Variants in DPP6 observed in about 807,000 individuals in gnomAD.
The protein encoded by DPP6 is dipeptidyl peptidase like 6.
DPP6 carries 69 observed loss-of-function variants against 122.6 expected under a neutral mutation model. That is an observed-to-expected ratio of 0.56 (90% CI 0.46 to 0.69). The LOEUF (loss-of-function observed/expected upper bound fraction) is 0.69, where lower values mean the gene tolerates loss of function less well. Among genes scored for constraint, DPP6 ranks in the 30% least tolerant of loss-of-function variants. DPP6 has a pLI of 0.00. For missense variants in DPP6, 928 were observed against 1,116.9 expected, an observed-to-expected ratio of 0.83 and a Z score of 2.41; for synonymous variants, 418 against 433.1, an observed-to-expected ratio of 0.97 and a Z score of 0.43.
intron 1 of DPP6, among the ~76,000 whole-genome samples, chr7:154,410,857 T>C (rs1259932716): frequency 1.3e-5 from 2 of 152,238 alleles, no homozygotes; most frequent in East Asian, 1.9e-4. Flanking sequence ...GTTTAACACA[T>C]GGAAAAACAT....
chr7:153,796,789 G>T, the DPP6 span, among the ~76,000 whole-genome samples: 1 of 152,058 alleles, frequency 6.6e-6, no homozygotes. Context: ...GCAGTACTCC[G>T]TGTATATCAT....
At chr7:153,819,730 T>C in the DPP6 span, among the ~76,000 whole-genome samples, 1 of 152,250 alleles carries the variant, frequency 6.6e-6, no homozygotes, top group Non-Finnish European at 1.5e-5. Context: ...ATGCATTTAT[T>C]ACCACTGAAC....
At chr7:153,916,051 C>T (rs1198491693) in intron 1 of DPP6, among the ~76,000 whole-genome samples, 1 of 151,936 alleles carries the variant, frequency 6.6e-6, no homozygotes, top group Admixed American at 6.5e-5. Flanking sequence ...ACTGCAAGCT[C>T]TGCCTCCCAG....
chr7:154,061,710 AT>A (rs1801943589), intron 1 of DPP6, among the ~76,000 whole-genome samples: 19 of 76,572 alleles, frequency 2.5e-4, no homozygotes, highest in South Asian at 4.4e-4. Flanking sequence ...GGGGGAGGCA[AT>A]CCCCGCGAGG....
chr7:154,454,588 G>A (rs1470520470), intron 2 of DPP6, among the ~76,000 whole-genome samples: 1 of 152,126 alleles, frequency 6.6e-6, no homozygotes, highest in Admixed American at 6.5e-5. Context: ...TGGCCAGGAA[G>A]TTGTGGAGGG....
chr7:154,618,328 C>T lies in DPP6; in HGVS notation c.628-19493C>T, dbSNP rs551757583. 7.9e-5 allele frequency among the ~76,000 whole-genome samples: 12 copies of T among 152,196 alleles called. No individual in the cohort carries two copies. The highest frequency in any genetic ancestry group is 1.9e-4 in the African/African-American group (8 of 41,546). On this transcript the variant is annotated intron_variant, in intron 5 of 25. Transcript: ENST00000377770. This position sits in a 1 kb window ranked among gnomAD's most constrained non-coding sequence, Gnocchi z 4.1. ...TCAGGATGAGATTAGGCTCACTGAG[C>T]GGGTGAACGGAGCTGTTTGAACTGA...
At chr7:153,825,437 CAT>C in the DPP6 span, among the ~76,000 whole-genome samples, 75 of 152,266 alleles carry the variant, frequency 4.9e-4, no homozygotes, top group African/African-American at 1.8e-3. Flanking sequence ...TGAAATTATT[CAT>C]ATAGAATTGG....
At chr7:154,782,871 C>A (rs1035540286) in intron 10 of DPP6, among the ~76,000 whole-genome samples, 9 of 152,032 alleles carry the variant, frequency 5.9e-5, no homozygotes, top group South Asian at 4.2e-4. Flanking sequence ...GCAACCTCCG[C>A]CTCCCGGGTT....
chr7:154,393,382 C>T (rs1168901468), intron 1 of DPP6, among the ~76,000 whole-genome samples: 3 of 152,094 alleles, frequency 2.0e-5, no homozygotes, highest in Non-Finnish European at 4.4e-5. Flanking sequence ...GGTATGTGGA[C>T]CAAGTACTGT....
In DPP6 at chr7:154,291,584, C is replaced by G. The variant is rs773559419; in HGVS notation, c.244-154630C>G. Among the ~76,000 whole-genome samples, 48 of 152,200 alleles carry G rather than the reference C, an allele frequency of 3.2e-4. 1 individual carries two copies. Among genetic ancestry groups the G allele is most frequent in the Non-Finnish European group, 5.9e-4 (40 of 68,040 alleles). ...GTCCTCATAGCCTAGACTCTCTCTC[C>G]TGAGCTTTGAAGCTTCAGTCTGCCC... On this transcript the variant is annotated intron_variant, in intron 1 of 25. Transcript: ENST00000377770.
the DPP6 span, among the ~76,000 whole-genome samples, chr7:153,859,860 C>A: frequency 6.6e-6 from 1 of 152,084 alleles, no homozygotes; most frequent in Non-Finnish European, 1.5e-5. Context: ...CATCAGATCT[C>A]GTGAGAACTC....
chr7:154,884,784 C>G (rs1805992838), intron 21 of DPP6: 1 of 152,174 alleles, frequency 6.6e-6, no homozygotes, highest in African/African-American at 2.4e-5. Context: ...CACACATGCT[C>G]ACATATGCAC....
intron 1 of DPP6, among the ~76,000 whole-genome samples, chr7:154,127,352 A>T (rs1807962031): frequency 6.6e-6 from 1 of 152,172 alleles, no homozygotes; most frequent in South Asian, 2.1e-4. Flanking sequence ...TTAGGTACAG[A>T]TAAGAGGCAT....
chr7:154,512,066 T>G (rs1199871409), intron 3 of DPP6, among the ~76,000 whole-genome samples: 1 of 152,172 alleles, frequency 6.6e-6, no homozygotes, highest in Non-Finnish European at 1.5e-5. Context: ...GTCATTGAGG[T>G]CATTGACAGA....
the DPP6 span, among the ~76,000 whole-genome samples, chr7:153,857,528 C>A: frequency 1.3e-5 from 2 of 152,134 alleles, no homozygotes; most frequent in African/African-American, 2.4e-5. Context: ...GACTTAGGAA[C>A]AAAGCCATGA....
At chr7:153,905,637 A>G (rs1378814994) in intron 1 of DPP6, among the ~76,000 whole-genome samples, 2 of 152,166 alleles carry the variant, frequency 1.3e-5, no homozygotes, top group Non-Finnish European at 2.9e-5. Context: ...TACTACAGTG[A>G]GGTGTTTAAA....
chr7:153,820,582 A>G, the DPP6 span, among the ~76,000 whole-genome samples: 2 of 152,226 alleles, frequency 1.3e-5, no homozygotes, highest in African/African-American at 4.8e-5. Context: ...GGATGTTTTG[A>G]AGGCCAGGCC....
intron 3 of DPP6, among the ~76,000 whole-genome samples, chr7:154,494,560 T>C (rs1277013272): frequency 6.6e-6 from 1 of 151,972 alleles, no homozygotes; most frequent in African/African-American, 2.4e-5. Context: ...TTTTGTTTCT[T>C]TCTATATTTC....
At chr7:153,841,505 A>C in the DPP6 span, among the ~76,000 whole-genome samples, 1 of 152,200 alleles carries the variant, frequency 6.6e-6, no homozygotes, top group Admixed American at 6.5e-5. Context: ...TAAATTCTCT[A>C]AACACAAATT....
Sources: gnomAD v4.1 joint callset for allele counts (sites outside exome capture counted in the v4.1 genomes callset) on GRCh38, gnomAD v4.1.1 for gene constraint, Gnocchi (gnomAD v3.1) non-coding constraint, MANE v1.5 for transcripts, NCBI Gene and HGNC (gene_info 2026-07-23, HGNC 2026-07-21) for gene names.